Variants in PREX1 observed in about 807,000 individuals in gnomAD.
The protein encoded by PREX1 is phosphatidylinositol-3,4,5-trisphosphate dependent Rac exchange factor 1, also known as phosphatidylinositol 3,4,5-trisphosphate-dependent Rac exchanger 1 protein.
Under a neutral mutation model 198.3 loss-of-function variants are expected in PREX1, and 41 were observed. The ratio of observed to expected loss-of-function variants is 0.21; its 90% CI spans 0.16 to 0.27. The LOEUF (loss-of-function observed/expected upper bound fraction) is 0.27, where lower values mean the gene tolerates loss of function less well. PREX1 is among the 10% of genes least tolerant of loss of function. The pLI is 1.00. For missense variants in PREX1, 1,620 were observed against 2,200.7 expected, an observed-to-expected ratio of 0.74 and a Z score of 5.28; for synonymous variants, 843 against 887.2, an observed-to-expected ratio of 0.95 and a Z score of 0.89.
chr20:48,696,977 T>TACATACACATACACACAC, intron 7 of PREX1, among the ~76,000 whole-genome samples: 1 of 148,594 alleles, frequency 6.7e-6, no homozygotes, highest in East Asian at 2.0e-4. Context: ...TAAATCTCTT[T>TACATACACATACACACAC]ACACACACAC....
intron 18 of PREX1, chr20:48,656,422 A>AG (rs2122921290): frequency 3.3e-6 from 1 of 303,902 alleles, no homozygotes; most frequent in Admixed American, 3.7e-5. Flanking sequence ...AGGGGCCTCC[A>AG]GGGCTGGACC....
intron 27 of PREX1, among the ~76,000 whole-genome samples, chr20:48,643,239 G>A (rs1172477157): frequency 1.3e-5 from 2 of 152,200 alleles, no homozygotes; most frequent in African/African-American, 4.8e-5. Flanking sequence ...GGGAGGCCGG[G>A]GCAGGCGGAT....
chr20:48,837,282 A>C, the PREX1 span, among the ~76,000 whole-genome samples: 1 of 152,210 alleles, frequency 6.6e-6, no homozygotes, highest in African/African-American at 2.4e-5. Context: ...AAAGACCTAA[A>C]AACAGAACTA....
At chr20:48,836,830 G>T in the PREX1 span, among the ~76,000 whole-genome samples, 2 of 144,616 alleles carry the variant, frequency 1.4e-5, no homozygotes, top group Non-Finnish European at 3.0e-5. Context: ...CAGGAAAATC[G>T]CTTGAACCCA....
intron 1 of PREX1, among the ~76,000 whole-genome samples, chr20:48,818,861 C>A (rs79357557): frequency 1.3e-5 from 2 of 152,360 alleles, no homozygotes; most frequent in Non-Finnish European, 2.9e-5. Context: ...GCTGCCTTCA[C>A]AGCTCATCCA....
At chr20:48,708,816 G>A (rs2089916196) in intron 5 of PREX1, among the ~76,000 whole-genome samples, 1 of 152,150 alleles carries the variant, frequency 6.6e-6, no homozygotes, top group Non-Finnish European at 1.5e-5. Context: ...TATGTAATGA[G>A]GAACAGAAAG....
At chr20:48,723,446 C>T (rs905430643) in intron 5 of PREX1, among the ~76,000 whole-genome samples, 3 of 152,198 alleles carry the variant, frequency 2.0e-5, no homozygotes, top group African/African-American at 7.2e-5. Context: ...CGCTCTGGGG[C>T]CAAAGGCCGG....
chr20:48,756,672 C>T (rs2090157031), intron 1 of PREX1, among the ~76,000 whole-genome samples: 1 of 152,174 alleles, frequency 6.6e-6, no homozygotes, highest in Non-Finnish European at 1.5e-5. Context: ...TATACCAAGG[C>T]ACCATCCACC....
the PREX1 span, among the ~76,000 whole-genome samples, chr20:48,851,638 G>A: frequency 1.3e-5 from 2 of 152,094 alleles, no homozygotes; most frequent in African/African-American, 4.8e-5. Context: ...TTAGCACTGG[G>A]AACCAAGTCA....
chr20:48,692,476 G>A, intron 8 of PREX1, 196 bp downstream of exon 8: 1 of 504,524 alleles, frequency 2.0e-6, no homozygotes, highest in South Asian at 2.9e-5. Flanking sequence ...AAGGATTTGG[G>A]GTGCAGTGTT....
At chr20:48,794,917 A>C (rs2090354037) in intron 1 of PREX1, among the ~76,000 whole-genome samples, 1 of 152,234 alleles carries the variant, frequency 6.6e-6, no homozygotes. Context: ...TTTTGTGACT[A>C]GCCTATGAGT....
the PREX1 span, among the ~76,000 whole-genome samples, chr20:48,863,491 G>GC: frequency 3.5e-5 from 5 of 144,112 alleles, no homozygotes; most frequent in Non-Finnish European, 7.6e-5. Flanking sequence ...GTTTTGTGGG[G>GC]TTTTTTTGTT....
chr20:48,851,991 A>G, the PREX1 span, among the ~76,000 whole-genome samples: 1 of 152,032 alleles, frequency 6.6e-6, no homozygotes, highest in African/African-American at 2.4e-5. Context: ...ATAAGCCACA[A>G]ATTCATAGAC....
chr20:48,643,741 T>G (rs919994685), intron 27 of PREX1, among the ~76,000 whole-genome samples: 2 of 152,152 alleles, frequency 1.3e-5, no homozygotes, highest in Non-Finnish European at 2.9e-5. Context: ...TGGCATGATC[T>G]GAGTCCACTG....
chr20:48,862,790 A>AAAAAATATAT, the PREX1 span, among the ~76,000 whole-genome samples: 114 of 102,540 alleles, frequency 1.1e-3, no homozygotes, highest in Middle Eastern at 9.0e-3. Flanking sequence ...TAAAAAAAAA[A>AAAAAATATAT]ATATATATAT....
chr20:48,776,105 G>A (rs985065485), intron 1 of PREX1, among the ~76,000 whole-genome samples: 11 of 152,086 alleles, frequency 7.2e-5, no homozygotes, highest in African/African-American at 1.2e-4. Flanking sequence ...TCCCCTGGAC[G>A]GTAGAGGACC....
intron 5 of PREX1, among the ~76,000 whole-genome samples, chr20:48,717,499 A>T (rs1343994396): frequency 1.0e-4 from 3 of 29,950 alleles, no homozygotes; most frequent in African/African-American, 1.3e-3. Flanking sequence ...CACCACTTTA[A>T]AAAAAAAAAA....
intron 8 of PREX1, chr20:48,692,437 T>C: frequency 2.4e-6 from 1 of 424,256 alleles, no homozygotes; most frequent in South Asian, 4.2e-5. Flanking sequence ...AGTGGTTACT[T>C]CTAGGGGGAA....
intron 1 of PREX1, among the ~76,000 whole-genome samples, chr20:48,803,775 G>C (rs2090398001): frequency 6.6e-6 from 1 of 152,168 alleles, no homozygotes. Flanking sequence ...CAGAGCTCTG[G>C]GGCCCTCTGG....
Sources: allele counts gnomAD v4.1 joint callset (sites outside exome capture counted in the v4.1 genomes callset), GRCh38; gene constraint gnomAD v4.1.1; transcripts MANE v1.5; gene names NCBI Gene and HGNC (gene_info 2026-07-23, HGNC 2026-07-21).